THTPA: variants seen among roughly 807,000 people sequenced by gnomAD.
THTPA encodes thiamine-triphosphatase.
Under a neutral mutation model 16.5 loss-of-function variants are expected in THTPA, and 16 were observed. The observed-to-expected ratio is 0.97, with a 90% CI of 0.66 to 1.47. The LOEUF (loss-of-function observed/expected upper bound fraction) is 1.47. THTPA is among the 40% of genes most tolerant of loss of function. THTPA has a pLI of 0.00. For missense variants in THTPA, 281 were observed against 280.9 expected, an observed-to-expected ratio of 1.00 and a Z score of 0.00; for synonymous variants, 110 against 115.5, an observed-to-expected ratio of 0.95 and a Z score of 0.30.
chr14:23,548,855 C>T, the THTPA span, among the ~76,000 whole-genome samples: 3 of 152,198 alleles, frequency 2.0e-5, no homozygotes, highest in East Asian at 1.9e-4. Flanking sequence ...CCGGCGCCCC[C>T]GCAGTGCTCT....
chr14:23,552,068 A>G (rs1203224084), upstream of THTPA, among the ~76,000 whole-genome samples: 1 of 151,896 alleles, frequency 6.6e-6, no homozygotes, highest in African/African-American at 2.4e-5. Flanking sequence ...TGAGCCGCCC[A>G]AGGCCTCCTT....
chr14:23,524,601 G>C, the THTPA span: 157 of 1,536,268 alleles, frequency 1.0e-4, no homozygotes, highest in African/African-American at 1.5e-3. The surrounding 1 kb of genome is among the most constrained non-coding windows in gnomAD (Gnocchi z 5.6). Flanking sequence ...AGGAGGTCCT[G>C]GCTGGAGAAA....
the THTPA span, among the ~76,000 whole-genome samples, chr14:23,520,223 T>C: frequency 2.6e-4 from 40 of 152,198 alleles, 1 homozygote; most frequent in African/African-American, 9.2e-4. The surrounding 1 kb of genome is among the most constrained non-coding windows in gnomAD (Gnocchi z 8.7). Flanking sequence ...TAGAACCCCA[T>C]GAGTCTCATG....
rs922884877 is a variant in THTPA at position 23,559,786 on chromosome 14, A to G, written c.*946A>G. On this transcript the variant is annotated 3_prime_UTR_variant, in exon 2 of 2. Transcript: ENST00000288014. Reference sequence around the variant, plus strand: ...TTCCACAGGCAAGTTGTTCACCTCAAAGATCTCCTGCACCGACTGGTGAAA... The same window carrying G: ...TTCCACAGGCAAGTTGTTCACCTCAGAGATCTCCTGCACCGACTGGTGAAA... 2.5e-5 allele frequency: 40 copies of G among 1,613,990 alleles called. No homozygotes were observed. The highest frequency in any genetic ancestry group is 3.2e-5 in the Non-Finnish European group (38 of 1,180,024).
At chr14:23,541,332 AGGCTGGAGTACAAT>A in the THTPA span, among the ~76,000 whole-genome samples, 2 of 145,302 alleles carry the variant, frequency 1.4e-5, no homozygotes, top group African/African-American at 5.2e-5. Context: ...CTTGTTGCCC[AGGCTGGAGTACAAT>A]GGTGCGATCT....
the THTPA span, chr14:23,525,518 C>T: frequency 4.6e-6 from 7 of 1,535,676 alleles, no homozygotes; most frequent in South Asian, 1.2e-5. This position sits in a 1 kb window ranked among gnomAD's most constrained non-coding sequence, Gnocchi z 5.9. Context: ...GTCCCCACCC[C>T]CGAGGGCCTC....
the THTPA span, chr14:23,533,001 G>A: frequency 1.3e-6 from 2 of 1,536,056 alleles, no homozygotes; most frequent in Non-Finnish European, 1.7e-6. The surrounding 1 kb of genome is among the most constrained non-coding windows in gnomAD (Gnocchi z 4.8). Context: ...TCGTCTGGGG[G>A]TGGTGAGGTG....
the THTPA span, chr14:23,521,919 G>A: frequency 1.3e-6 from 2 of 1,533,480 alleles, no homozygotes; most frequent in Non-Finnish European, 1.7e-6. Context: ...GGTAAAAGAG[G>A]GAGCCCTGAG....
At chr14:23,534,952 A>T in the THTPA span, 1 of 1,536,148 alleles carries the variant, frequency 6.5e-7, no homozygotes. This position sits in a 1 kb window ranked among gnomAD's most constrained non-coding sequence, Gnocchi z 4.5. Context: ...CAGCTTGGCC[A>T]CTAGGTAGGC....
upstream of THTPA, among the ~76,000 whole-genome samples, chr14:23,552,673 C>T (rs559618711): frequency 1.1e-4 from 16 of 152,140 alleles, no homozygotes; most frequent in South Asian, 3.3e-3. Context: ...ATGATCCCGG[C>T]TCACTGCAAC....
At chr14:23,532,612 C>T in the THTPA span, 6 of 1,456,110 alleles carry the variant, frequency 4.1e-6, no homozygotes, top group Non-Finnish European at 5.4e-6. Flanking sequence ...CCCTGGCATG[C>T]AGCTGCATCT....
rs1883214415 is a variant in THTPA, at chr14:23,559,873, C to T, written c.*1033C>T. 6.2e-7 allele frequency: 1 copy of T among 1,613,326 alleles called. No homozygotes were observed. The highest frequency in any genetic ancestry group is 8.5e-7 in the Non-Finnish European group (1 of 1,179,588). On this transcript the variant is annotated 3_prime_UTR_variant, in exon 2 of 2. Transcript: ENST00000288014. Reference sequence around the variant, plus strand: ...GGCCTAGGAATAGGAGAGCAGGGACCAGGGTTAGCACCCACGGCTTCTTCT... The same window carrying T: ...GGCCTAGGAATAGGAGAGCAGGGACTAGGGTTAGCACCCACGGCTTCTTCT...
At position 23,559,561 on chromosome 14, in the gene THTPA, C is replaced by G. The variant is rs1003308339; in HGVS notation, c.*721C>G. 1.7e-6 allele frequency: 1 copy of G among 598,408 alleles called. No individual in the cohort carries two copies. The highest frequency in any genetic ancestry group is 3.0e-6 in the Non-Finnish European group (1 of 333,144). The allele number at this position is 598,408 out of a possible 1,614,324, so 37.1% of individuals were successfully genotyped here. A position where few individuals can be genotyped will look rare whatever the true frequency, so the allele number is the denominator to read the frequency against. On this transcript the variant is annotated 3_prime_UTR_variant, in exon 2 of 2. Transcript: ENST00000288014. ...ACACACTTTCCACTTCAAATATACCCAAATATGGCTTTCCTCACTTCTCAG... is the reference window on the plus strand; with the variant it reads ...ACACACTTTCCACTTCAAATATACCGAAATATGGCTTTCCTCACTTCTCAG...
the THTPA span, among the ~76,000 whole-genome samples, chr14:23,517,046 C>T: frequency 6.6e-6 from 1 of 152,174 alleles, no homozygotes; most frequent in Non-Finnish European, 1.5e-5. Context: ...TCTACCTATA[C>T]TCAACCTGCT....
the THTPA span, chr14:23,523,055 C>T: frequency 7.1e-7 from 1 of 1,404,374 alleles, no homozygotes; most frequent in Non-Finnish European, 9.2e-7. The surrounding 1 kb of genome is among the most constrained non-coding windows in gnomAD (Gnocchi z 4.1). Context: ...TTTCCATGCC[C>T]CTTCCCTCCC....
chr14:23,534,038 C>T, the THTPA span: 114 of 1,535,398 alleles, frequency 7.4e-5, no homozygotes, highest in South Asian at 9.5e-4. This position sits in a 1 kb window ranked among gnomAD's most constrained non-coding sequence, Gnocchi z 4.5. Context: ...TGGAAGGCTG[C>T]AGGGGCTGGG....
the THTPA span, among the ~76,000 whole-genome samples, chr14:23,518,628 G>C: frequency 6.6e-6 from 1 of 152,198 alleles, no homozygotes; most frequent in Non-Finnish European, 1.5e-5. The surrounding 1 kb of genome is among the most constrained non-coding windows in gnomAD (Gnocchi z 4.5). Context: ...GTCTGACCCT[G>C]GTCGTTAAGT....
At chr14:23,519,612 C>T in the THTPA span, among the ~76,000 whole-genome samples, 5 of 152,108 alleles carry the variant, frequency 3.3e-5, no homozygotes, top group Non-Finnish European at 5.9e-5. Flanking sequence ...GCCTAATTTG[C>T]TGTTAGTTAG....
the THTPA span, chr14:23,534,999 G>A: frequency 6.5e-7 from 1 of 1,536,160 alleles, no homozygotes; most frequent in South Asian, 1.2e-5. This position sits in a 1 kb window ranked among gnomAD's most constrained non-coding sequence, Gnocchi z 4.5. Flanking sequence ...GGTTGCTTAG[G>A]TCCATGGGAG....
Sources: gnomAD v4.1 joint callset for allele counts (sites outside exome capture counted in the v4.1 genomes callset) on GRCh38, gnomAD v4.1.1 for gene constraint, Gnocchi (gnomAD v3.1) non-coding constraint, MANE v1.5 for transcripts, NCBI Gene and HGNC (gene_info 2026-07-23, HGNC 2026-07-21) for gene names.